The following CDH12 variants were observed in gnomAD, a reference collection of about 807,000 sequenced individuals.
CDH12 encodes cadherin-12.
CDH12 carries 41 observed loss-of-function variants against 74.1 expected under a neutral mutation model. The ratio of observed to expected loss-of-function variants is 0.55; its 90% CI spans 0.43 to 0.72. The LOEUF (loss-of-function observed/expected upper bound fraction) is 0.72, where lower values mean the gene tolerates loss of function less well. Among genes scored for constraint, CDH12 ranks in the 30% least tolerant of loss-of-function variants. The probability of loss-of-function intolerance (pLI) is 0.00; values close to 1 mark genes in which losing one functional copy is unlikely to be tolerated. For missense variants in CDH12, 945 were observed against 977.2 expected (o/e 0.97, Z 0.44); for synonymous variants, 399 against 355.0 (o/e 1.12, Z -1.39).
At chr5:21,955,558 T>C (rs1756058294) in intron 6 of CDH12, among the ~76,000 whole-genome samples, 1 of 151,838 alleles carries the variant, frequency 6.6e-6, no homozygotes, top group African/African-American at 2.4e-5. Context: ...CCCAGAGAGG[T>C]AAGGATATAA....
intron 8 of CDH12, among the ~76,000 whole-genome samples, chr5:21,820,984 T>G (rs923217292): frequency 6.6e-6 from 1 of 151,992 alleles, no homozygotes; most frequent in Non-Finnish European, 1.5e-5. Context: ...ATATACCTAT[T>G]GTGCTTAGCC....
intron 1 of CDH12, among the ~76,000 whole-genome samples, chr5:22,575,098 G>A (rs1739719595): frequency 6.6e-6 from 1 of 152,170 alleles, no homozygotes; most frequent in Non-Finnish European, 1.5e-5. Flanking sequence ...CAGGTAGAAA[G>A]AGAATAGGAT....
chr5:22,397,924 G>A (rs955210268), intron 3 of CDH12, among the ~76,000 whole-genome samples: 2 of 152,014 alleles, frequency 1.3e-5, no homozygotes, highest in African/African-American at 2.4e-5. Context: ...TAAAAGCCAA[G>A]AACAGAGACC....
chr5:21,912,021 G>A (rs1484473774), intron 6 of CDH12, among the ~76,000 whole-genome samples: 1 of 152,068 alleles, frequency 6.6e-6, no homozygotes, highest in Non-Finnish European at 1.5e-5. Context: ...AACAAGTTAG[G>A]ACAGTCTTTT....
At chr5:21,910,216 T>C (rs545270222) in intron 6 of CDH12, among the ~76,000 whole-genome samples, 1 of 152,236 alleles carries the variant, frequency 6.6e-6, no homozygotes, top group Admixed American at 6.5e-5. Flanking sequence ...CTACAAGTGA[T>C]AGAAAATCAA....
chr5:22,342,330 A>G (rs532332491), intron 3 of CDH12, among the ~76,000 whole-genome samples: 1 of 152,340 alleles, frequency 6.6e-6, no homozygotes, highest in South Asian at 2.1e-4. Context: ...GAACAGCTGT[A>G]TAACTCTCAG....
In CDH12 at chr5:22,836,223, CT is replaced by C. The variant is rs61616737; in HGVS notation, c.-523+16834del. On this transcript the variant is annotated intron_variant, in intron 1 of 14. Transcript: ENST00000382254. ...TTTTTTTCTTTTTTTCTTTCTTTCTCTTTTTTTTTTTTTTTTTTGAGACAGA... is the reference window on the plus strand; with the variant it reads ...TTTTTTTCTTTTTTTCTTTCTTTCTCTTTTTTTTTTTTTTTTTGAGACAGA... Among the ~76,000 whole-genome samples, 73 of 65,498 alleles carry C rather than the reference CT, an allele frequency of 1.1e-3. 2 individuals carry two copies. Among genetic ancestry groups the C allele is most frequent in the African/African-American group, 3.2e-3 (51 of 16,090 alleles). The allele number at this position is 65,498 out of a possible 152,430, so 43.0% of individuals were successfully genotyped here.
At chr5:22,754,620 A>C (rs1220280731) in intron 1 of CDH12, among the ~76,000 whole-genome samples, 1 of 151,742 alleles carries the variant, frequency 6.6e-6, no homozygotes, top group African/African-American at 2.4e-5. Flanking sequence ...AAGATGAGAG[A>C]GTCAAGTCCT....
chr5:21,918,092 A>G (rs955356013), intron 6 of CDH12, among the ~76,000 whole-genome samples: 1 of 150,916 alleles, frequency 6.6e-6, no homozygotes, highest in African/African-American at 2.5e-5. Context: ...ATAGTATGAA[A>G]GTAAGTATGT....
chr5:22,226,009 T>C (rs548329594), intron 3 of CDH12, among the ~76,000 whole-genome samples: 10 of 152,052 alleles, frequency 6.6e-5, no homozygotes, highest in African/African-American at 2.2e-4. Flanking sequence ...ACATAGAATA[T>C]TCATGACCTT....
At chr5:22,598,432 T>C (rs994905199) in intron 1 of CDH12, among the ~76,000 whole-genome samples, 1 of 152,164 alleles carries the variant, frequency 6.6e-6, no homozygotes, top group Non-Finnish European at 1.5e-5. Context: ...CACTCGGCGC[T>C]CACTCTCTAT....
chr5:21,864,806 T>A (rs1414134135), intron 6 of CDH12, among the ~76,000 whole-genome samples: 1 of 152,056 alleles, frequency 6.6e-6, no homozygotes, highest in Non-Finnish European at 1.5e-5. Flanking sequence ...AGAAAAGAAA[T>A]GTAGGTAGAG....
chr5:22,479,838 T>C (rs1403021387), intron 2 of CDH12, among the ~76,000 whole-genome samples: 1 of 152,192 alleles, frequency 6.6e-6, no homozygotes, highest in Non-Finnish European at 1.5e-5. Context: ...TACTGGCCTG[T>C]ATGTAATTAA....
At chr5:22,803,908 TA>T (rs1299601715) in intron 1 of CDH12, among the ~76,000 whole-genome samples, 2 of 152,100 alleles carry the variant, frequency 1.3e-5, no homozygotes, top group African/African-American at 2.4e-5. Context: ...ATTTATTTGG[TA>T]AAACACAGTT....
At chr5:22,282,906 T>A (rs1736951549) in intron 3 of CDH12, among the ~76,000 whole-genome samples, 1 of 152,064 alleles carries the variant, frequency 6.6e-6, no homozygotes, top group Non-Finnish European at 1.5e-5. Context: ...CCCAAAGGAT[T>A]ATAAATCATT....
intron 1 of CDH12, among the ~76,000 whole-genome samples, chr5:22,554,967 C>T (rs543312966): frequency 1.5e-4 from 23 of 152,104 alleles, no homozygotes; most frequent in African/African-American, 5.5e-4. Context: ...AGCTGTTTAC[C>T]CAAAGAGCAT....
chr5:21,883,282 C>A, intron 6 of CDH12: 2 of 1,420,866 alleles, frequency 1.4e-6, no homozygotes, highest in Non-Finnish European at 2.0e-6. Context: ...TTTATTAATA[C>A]ATCAAAAGGT....
chr5:22,674,571 T>C (rs1338434445), intron 1 of CDH12, among the ~76,000 whole-genome samples: 1 of 152,168 alleles, frequency 6.6e-6, no homozygotes, highest in East Asian at 1.9e-4. Flanking sequence ...GAAGTGACTT[T>C]AGAACTGGGT....
At chr5:21,778,410 C>T (rs1287620785) in intron 11 of CDH12, among the ~76,000 whole-genome samples, 3 of 139,726 alleles carry the variant, frequency 2.1e-5, no homozygotes, top group Non-Finnish European at 4.5e-5. Flanking sequence ...ATTAGGTACT[C>T]ACTTCTCATA....
Sources: allele counts gnomAD v4.1 joint callset (sites outside exome capture counted in the v4.1 genomes callset), GRCh38; gene constraint gnomAD v4.1.1; transcripts MANE v1.5; gene names NCBI Gene and HGNC (gene_info 2026-07-23, HGNC 2026-07-21).